The following DOK6 variants were observed in gnomAD, a reference collection of about 807,000 sequenced individuals.
DOK6 encodes the protein docking protein 6, also known as downstream of tyrosine kinase 6.
Under a neutral mutation model 44.0 loss-of-function variants are expected in DOK6, and 22 were observed. That is an observed-to-expected ratio of 0.50 (90% CI 0.36 to 0.71). The LOEUF is 0.71. Ranked by LOEUF, DOK6 falls within the 30% of genes least tolerant of loss-of-function variation. The probability of loss-of-function intolerance (pLI) is 0.00; values close to 1 mark genes in which losing one functional copy is unlikely to be tolerated. For synonymous variants in DOK6, 166 were observed against 145.5 expected, an observed-to-expected ratio of 1.14 and a Z score of -1.01; for missense variants, 340 against 416.4, an observed-to-expected ratio of 0.82 and a Z score of 1.60.
intron 1 of DOK6, among the ~76,000 whole-genome samples, chr18:69,535,863 A>G (rs922381930): frequency 7.2e-5 from 11 of 152,092 alleles, no homozygotes; most frequent in African/African-American, 2.7e-4. Flanking sequence ...TACTTGGCCA[A>G]ATTATCAGCC....
chr18:69,818,816 T>C (rs1568135231), intron 7 of DOK6, among the ~76,000 whole-genome samples: 1 of 152,094 alleles, frequency 6.6e-6, no homozygotes. Flanking sequence ...CCTAGTTAGA[T>C]CCTGAGAAGC....
At chr18:69,713,803 A>G (rs950613797) in intron 5 of DOK6, among the ~76,000 whole-genome samples, 2 of 152,212 alleles carry the variant, frequency 1.3e-5, no homozygotes, top group African/African-American at 4.8e-5. Flanking sequence ...GGAACCCGTG[A>G]AACTCCCAGG....
chr18:69,738,308 T>C (rs1325514821), intron 5 of DOK6, among the ~76,000 whole-genome samples: 1 of 152,218 alleles, frequency 6.6e-6, no homozygotes, highest in East Asian at 1.9e-4. Flanking sequence ...TAATATCCAA[T>C]ATCCAAAATA....
chr18:69,613,882 C>T (rs536328927), intron 3 of DOK6, among the ~76,000 whole-genome samples: 2 of 151,398 alleles, frequency 1.3e-5, no homozygotes, highest in African/African-American at 4.8e-5. Context: ...AATTCTTCCA[C>T]ATGAAAAATT....
chr18:69,479,565 A>C (rs1043939892), intron 1 of DOK6, among the ~76,000 whole-genome samples: 1 of 152,150 alleles, frequency 6.6e-6, no homozygotes, highest in Non-Finnish European at 1.5e-5. Flanking sequence ...ATACACTTTT[A>C]TAGGATTAAT....
At chr18:69,689,128 C>A (rs190228080) in intron 4 of DOK6, among the ~76,000 whole-genome samples, 1 of 152,100 alleles carries the variant, frequency 6.6e-6, no homozygotes, top group African/African-American at 2.4e-5. Context: ...TCCACAAGAA[C>A]CTTGTAGAGA....
intron 1 of DOK6, among the ~76,000 whole-genome samples, chr18:69,563,684 GA>G (rs1261712454): frequency 6.6e-6 from 1 of 151,436 alleles, no homozygotes; most frequent in East Asian, 1.9e-4. Flanking sequence ...ATAGCATTAG[GA>G]GATATACCTA....
At chr18:69,477,681 T>C (rs1980305063) in intron 1 of DOK6, among the ~76,000 whole-genome samples, 1 of 152,250 alleles carries the variant, frequency 6.6e-6, no homozygotes, top group Non-Finnish European at 1.5e-5. Context: ...TGGTTAGGTA[T>C]ACTGTGACTG....
At chr18:69,545,006 A>C (rs1468300196) in intron 1 of DOK6, among the ~76,000 whole-genome samples, 6 of 150,938 alleles carry the variant, frequency 4.0e-5, no homozygotes, top group Non-Finnish European at 7.4e-5. Flanking sequence ...CTGTAATCCC[A>C]GCTACTCAGG....
chr18:69,601,485 G>A (rs1326658173), intron 3 of DOK6, among the ~76,000 whole-genome samples: 1 of 152,116 alleles, frequency 6.6e-6, no homozygotes, highest in Non-Finnish European at 1.5e-5. Flanking sequence ...AAATTCTGAA[G>A]TATGGTTTGT....
intron 3 of DOK6, among the ~76,000 whole-genome samples, chr18:69,612,330 T>A (rs971832150): frequency 1.0e-5 from 1 of 99,318 alleles, no homozygotes; most frequent in African/African-American, 4.0e-5. Context: ...AGAAACTAAC[T>A]ACAAAACCAA....
At chr18:69,498,493 A>T (rs1980957734) in intron 1 of DOK6, among the ~76,000 whole-genome samples, 1 of 152,204 alleles carries the variant, frequency 6.6e-6, no homozygotes, top group African/African-American at 2.4e-5. Context: ...GATATTTTAA[A>T]GACTATAATT....
chr18:69,611,752 T>G (rs1328919441), intron 3 of DOK6, among the ~76,000 whole-genome samples: 1 of 152,176 alleles, frequency 6.6e-6, no homozygotes, highest in African/African-American at 2.4e-5. Context: ...TGATTCTGTT[T>G]ACATATCCTT....
chr18:69,551,221 C>T (rs549143853), intron 1 of DOK6, among the ~76,000 whole-genome samples: 22 of 152,002 alleles, frequency 1.4e-4, no homozygotes, highest in South Asian at 2.1e-4. Context: ...TTCATTTGTC[C>T]GAGAAAATAA....
chr18:69,596,140 C>G (rs1983735198), intron 2 of DOK6, among the ~76,000 whole-genome samples: 1 of 152,142 alleles, frequency 6.6e-6, no homozygotes, highest in African/African-American at 2.4e-5. Context: ...AACATAGACA[C>G]CTGGGAGGAG....
At chr18:69,496,259 G>A (rs1363528075) in intron 1 of DOK6, among the ~76,000 whole-genome samples, 2 of 152,358 alleles carry the variant, frequency 1.3e-5, no homozygotes, top group Admixed American at 6.5e-5. Context: ...CAGGAGGACA[G>A]GGATCCTGCC....
Position 69,536,331 on chromosome 18 carries a change from C to A in DOK6, c.67-28156C>A, listed in dbSNP as rs80033564. 1.6e-4 allele frequency among the ~76,000 whole-genome samples: 24 copies of A among 152,158 alleles called. No individual in the cohort carries two copies. The East Asian group carries it at 4.6e-3, about 29-fold the overall frequency. On this transcript the variant is annotated intron_variant, in intron 1 of 7. Coordinates refer to ENST00000382713, the MANE Select transcript of DOK6 (RefSeq NM_152721.6). ...AATTTACTCTAGTATGAGTAGAATG[C>A]AAGGTAAATACTGTAGAATTTGCTC...
intron 7 of DOK6, among the ~76,000 whole-genome samples, chr18:69,759,901 A>G (rs946042087): frequency 3.9e-5 from 6 of 152,236 alleles, no homozygotes. Flanking sequence ...CTTAAGTCAA[A>G]TATTTATAAA....
chr18:69,782,750 C>A (rs1035756714), intron 7 of DOK6, among the ~76,000 whole-genome samples: 1 of 151,956 alleles, frequency 6.6e-6, no homozygotes, highest in Non-Finnish European at 1.5e-5. Context: ...GGCAACAGAG[C>A]GAGACTCCGT....
Sources: gnomAD v4.1 joint callset for allele counts (sites outside exome capture counted in the v4.1 genomes callset) on GRCh38, gnomAD v4.1.1 for gene constraint, MANE v1.5 for transcripts, NCBI Gene and HGNC (gene_info 2026-07-23, HGNC 2026-07-21) for gene names.